Variants in CSMD3 observed in about 807,000 individuals in gnomAD.
CSMD3 encodes the protein CUB and Sushi multiple domains 3.
In CSMD3, 177 loss-of-function variants were observed where a neutral mutation model predicts 435.2. That is an observed-to-expected ratio of 0.41 (90% CI 0.36 to 0.46). The LOEUF (loss-of-function observed/expected upper bound fraction) is 0.46, where lower values mean the gene tolerates loss of function less well. Ranked by LOEUF, CSMD3 falls within the 20% of genes least tolerant of loss-of-function variation. The pLI, the probability that CSMD3 is intolerant of heterozygous loss-of-function variation, is 0.34. For missense variants in CSMD3, 4,265 were observed against 4,504.6 expected, an observed-to-expected ratio of 0.95 and a Z score of 1.52; for synonymous variants, 1,656 against 1,520.5, an observed-to-expected ratio of 1.09 and a Z score of -2.07.
chr8:113,096,225 T>A (rs942091958), intron 5 of CSMD3, among the ~76,000 whole-genome samples: 2 of 152,118 alleles, frequency 1.3e-5, no homozygotes, highest in South Asian at 2.1e-4. Context: ...CATCCAAATT[T>A]AAGCTCCACA....
At chr8:113,035,318 T>A (rs962033019) in intron 5 of CSMD3, among the ~76,000 whole-genome samples, 8 of 152,042 alleles carry the variant, frequency 5.3e-5, no homozygotes, top group Non-Finnish European at 5.9e-5. Flanking sequence ...AAGGCAGTAT[T>A]ATAAACAAGT....
chr8:112,749,790 T>C (rs1253434514), intron 13 of CSMD3, among the ~76,000 whole-genome samples: 1 of 152,108 alleles, frequency 6.6e-6, no homozygotes, highest in East Asian at 1.9e-4. Flanking sequence ...CATGTCTATT[T>C]GCAGTTTTGA....
At chr8:112,305,014 C>T in intron 51 of CSMD3, 99 bp from the exon 52 acceptor site, 1 of 855,816 alleles carries the variant, frequency 1.2e-6, no homozygotes, top group Admixed American at 2.0e-5. Context: ...CTTACTCTTG[C>T]ACTATACAAG....
chr8:112,341,307 C>A lies in CSMD3; in HGVS notation c.6652+170G>T, dbSNP rs537298837. On this transcript the variant is annotated intron_variant, in intron 42 of 70. Coordinates refer to ENST00000297405, the MANE Select transcript of CSMD3 (RefSeq NM_198123.2). ...GAGACATCATTCTCCCTGTGTAGTT[C>A]CCAGAGAGTTGCATTGTTCTAAAAA... 4.0e-5 allele frequency among the ~76,000 whole-genome samples: 6 copies of A among 151,438 alleles called. No homozygotes were observed. In the South Asian group the frequency reaches 1.3e-3, roughly 32 times the overall value.
At chr8:112,340,670 T>C (rs767030883) in intron 42 of CSMD3, among the ~76,000 whole-genome samples, 1 of 152,152 alleles carries the variant, frequency 6.6e-6, no homozygotes, top group Non-Finnish European at 1.5e-5. Flanking sequence ...ATCATTTTAA[T>C]ATTTAATTTT....
chr8:113,127,000 T>C (rs1423365522), intron 4 of CSMD3, among the ~76,000 whole-genome samples: 1 of 152,012 alleles, frequency 6.6e-6, no homozygotes, highest in African/African-American at 2.4e-5. Flanking sequence ...TTAAGAATCA[T>C]TTTCTCACTT....
chr8:112,967,861 A>T (rs1461638696), intron 7 of CSMD3, among the ~76,000 whole-genome samples: 3 of 151,870 alleles, frequency 2.0e-5, no homozygotes, highest in Admixed American at 6.6e-5. Flanking sequence ...AAGAAGATGG[A>T]ACAGAAAAAA....
At chr8:112,407,869 A>C (rs958019812) in intron 34 of CSMD3, among the ~76,000 whole-genome samples, 1 of 152,068 alleles carries the variant, frequency 6.6e-6, no homozygotes, top group Admixed American at 6.6e-5. Flanking sequence ...TAACTGAAGA[A>C]AGTTTTAATT....
chr8:112,384,423 T>G (rs1368408895), intron 36 of CSMD3, among the ~76,000 whole-genome samples: 3 of 152,226 alleles, frequency 2.0e-5, no homozygotes, highest in Non-Finnish European at 4.4e-5. Flanking sequence ...GTTACTTTAT[T>G]GCACATCACT....
At chr8:112,571,576 G>A (rs1290813848) in intron 24 of CSMD3, among the ~76,000 whole-genome samples, 2 of 151,542 alleles carry the variant, frequency 1.3e-5, no homozygotes, top group Admixed American at 1.3e-4. Flanking sequence ...TTTCAGACAA[G>A]CAGAAATGCA....
intron 13 of CSMD3, among the ~76,000 whole-genome samples, chr8:112,798,565 T>A (rs1194698930): frequency 6.6e-6 from 1 of 151,850 alleles, no homozygotes; most frequent in Non-Finnish European, 1.5e-5. Flanking sequence ...ATTACTATTG[T>A]TGAAAACTGA....
chr8:113,183,922 T>C (rs1033023608), intron 3 of CSMD3, among the ~76,000 whole-genome samples: 3 of 151,976 alleles, frequency 2.0e-5, no homozygotes, highest in African/African-American at 7.2e-5. Flanking sequence ...TGGACAACAA[T>C]TGGGTGTCCT....
chr8:112,267,996 C>T (rs1817112459), intron 59 of CSMD3, among the ~76,000 whole-genome samples: 1 of 151,868 alleles, frequency 6.6e-6, no homozygotes, highest in African/African-American at 2.4e-5. Flanking sequence ...CTCTTTAGTG[C>T]TTCACCCTAA....
intron 23 of CSMD3, among the ~76,000 whole-genome samples, chr8:112,574,951 T>A (rs929683767): frequency 1.3e-5 from 2 of 151,968 alleles, no homozygotes; most frequent in African/African-American, 2.4e-5. Context: ...CCTCCATAAT[T>A]ACATTGATGT....
At chr8:113,120,531 A>C (rs969001306) in intron 4 of CSMD3, among the ~76,000 whole-genome samples, 1 of 152,222 alleles carries the variant, frequency 6.6e-6, no homozygotes, top group South Asian at 2.1e-4. Flanking sequence ...TACAAATAAA[A>C]GTAAGCAGCG....
At chr8:112,439,304 C>T (rs1226672806) in intron 32 of CSMD3, among the ~76,000 whole-genome samples, 1 of 152,020 alleles carries the variant, frequency 6.6e-6, no homozygotes, top group Non-Finnish European at 1.5e-5. Context: ...CCATGCCTGG[C>T]TAATTTTTTG....
chr8:112,285,105 T>C (rs184905781), intron 58 of CSMD3, among the ~76,000 whole-genome samples: 1 of 152,178 alleles, frequency 6.6e-6, no homozygotes, highest in African/African-American at 2.4e-5. Flanking sequence ...GAGAAAAATA[T>C]TAATTCTATT....
At chr8:113,340,587 T>C (rs2094111527) in intron 1 of CSMD3, among the ~76,000 whole-genome samples, 1 of 151,960 alleles carries the variant, frequency 6.6e-6, no homozygotes, top group Non-Finnish European at 1.5e-5. Context: ...GATGAAAGGG[T>C]TTGTTTGCCA....
intron 12 of CSMD3, among the ~76,000 whole-genome samples, chr8:112,805,562 G>T (rs922371493): frequency 4.6e-5 from 7 of 152,190 alleles, no homozygotes; most frequent in Non-Finnish European, 7.3e-5. Flanking sequence ...GAAGGTAAAT[G>T]TGATAAAGAT....
Sources: gnomAD v4.1 joint callset for allele counts (sites outside exome capture counted in the v4.1 genomes callset) on GRCh38, gnomAD v4.1.1 for gene constraint, MANE v1.5 for transcripts, NCBI Gene and HGNC (gene_info 2026-07-23, HGNC 2026-07-21) for gene names.